Variants in MANBA observed in about 807,000 individuals in gnomAD.
MANBA encodes the protein mannosidase beta.
Under a neutral mutation model 111.1 loss-of-function variants are expected in MANBA, and 83 were observed. The ratio of observed to expected loss-of-function variants is 0.75; its 90% confidence interval spans 0.63 to 0.90. The LOEUF (loss-of-function observed/expected upper bound fraction) is 0.90, where lower values mean the gene tolerates loss of function less well. Ranked by LOEUF, MANBA falls within the 40% of genes least tolerant of loss-of-function variation. The probability of loss-of-function intolerance (pLI) is 0.00; values close to 1 mark genes in which losing one functional copy is unlikely to be tolerated. For missense variants in MANBA, 1,036 were observed against 1,069.0 expected, an observed-to-expected ratio of 0.97 and a Z score of 0.43; for synonymous variants, 370 against 378.7, an observed-to-expected ratio of 0.98 and a Z score of 0.27.
chr4:102,722,865 C>G lies in MANBA; in HGVS notation c.549+6G>C. On this transcript the variant is annotated splice_donor_region_variant and intron_variant, in intron 4 of 16. Coordinates refer to ENST00000647097, the MANE Select transcript of MANBA (RefSeq NM_005908.4). Reference sequence around the variant, plus strand: ...ATAAAACCCGACCTGTTTGAGAGACCATTACCTTCCGAACAAAGTTGACAT... The same window carrying G: ...ATAAAACCCGACCTGTTTGAGAGACGATTACCTTCCGAACAAAGTTGACAT... The G allele has an allele frequency of 6.2e-7, 1 of 1,613,898 alleles. No homozygotes were observed. The highest frequency in any genetic ancestry group is 8.5e-7 in the Non-Finnish European group (1 of 1,179,800).
rs138999320 is a variant in MANBA at position 102,631,536 on chromosome 4, C to T, written c.*521G>A. 1.7e-3 allele frequency: 687 copies of T among 396,522 alleles called. 3 individuals carry two copies. The highest frequency in any genetic ancestry group is 0.013 in the African/African-American group (642 of 48,660). 24.6% of individuals were successfully genotyped at this position (396,522 alleles called of 1,614,324 possible). A position where few individuals can be genotyped will look rare whatever the true frequency, so the allele number is the denominator to read the frequency against. ...TAACTTTTATTTTTATATAATTTCA[C>T]ATGTACAGAAAAATACCCATATACC... On this transcript the variant is annotated 3_prime_UTR_variant, in exon 17 of 17. Coordinates refer to ENST00000647097, the MANE Select transcript of MANBA (RefSeq NM_005908.4).
chr4:102,727,007 C>T (rs1330497426), intron 1 of MANBA, among the ~76,000 whole-genome samples: 1 of 152,196 alleles, frequency 6.6e-6, no homozygotes, highest in African/African-American at 2.4e-5. Context: ...AAACTCCTGA[C>T]CTCAAGTGAT....
chr4:102,755,989 G>C (rs1473331665), intron 1 of MANBA, among the ~76,000 whole-genome samples: 1 of 152,170 alleles, frequency 6.6e-6, no homozygotes, highest in Non-Finnish European at 1.5e-5. Flanking sequence ...TGCTGGAGAG[G>C]ATGTGGAGAA....
rs368198017 is a variant in MANBA, at chr4:102,726,494, C to CA, written c.272+94dup. 0.03 allele frequency: 17,105 copies of CA among 579,582 alleles called. 47 individuals are homozygous for CA. The highest frequency in any genetic ancestry group is 0.053 in the African/African-American group (2,646 of 49,986). 35.9% of individuals were successfully genotyped at this position (579,582 alleles called of 1,614,324 possible). A position where few individuals can be genotyped will look rare whatever the true frequency, so the allele number is the denominator to read the frequency against. ...ACAAAACAAAACAAAACATACAAAA[C>CA]AAAAAAAAAACAAACAAAACACAAC... On this transcript the variant is annotated intron_variant, in intron 2 of 16. Coordinates refer to ENST00000647097, the MANE Select transcript of MANBA (RefSeq NM_005908.4).
intron 8 of MANBA, among the ~76,000 whole-genome samples, chr4:102,672,402 AT>A (rs2110224659): frequency 6.6e-6 from 1 of 152,250 alleles, no homozygotes; most frequent in Non-Finnish European, 1.5e-5. Context: ...AGGAAATATT[AT>A]TTTCTTCCAA....
intron 1 of MANBA, among the ~76,000 whole-genome samples, chr4:102,759,442 A>C (rs17033239): frequency 0.054 from 8,197 of 152,258 alleles, 364 homozygotes; most frequent in Non-Finnish European, 0.075. Flanking sequence ...TGTGTTCTCT[A>C]TCACAAGTAG....
intron 15 of MANBA, 119 bp downstream of exon 15, chr4:102,635,746 A>T: frequency 9.7e-7 from 1 of 1,032,236 alleles, no homozygotes; most frequent in Non-Finnish European, 1.5e-6. Flanking sequence ...TAGCCTGAAT[A>T]TATGTATTCT....
chr4:102,686,625 T>C (rs1049410809), intron 7 of MANBA, among the ~76,000 whole-genome samples: 1 of 152,220 alleles, frequency 6.6e-6, no homozygotes, highest in South Asian at 2.1e-4. Flanking sequence ...AATTCTTTTC[T>C]AACTTGAACT....
intron 1 of MANBA, chr4:102,730,392 C>G: frequency 4.1e-6 from 2 of 486,884 alleles, no homozygotes; most frequent in Non-Finnish European, 7.5e-6. Context: ...AGCAAGTCGG[C>G]AACCTTGCTG....
At chr4:102,757,265 G>T (rs1724062279) in intron 1 of MANBA, among the ~76,000 whole-genome samples, 1 of 151,848 alleles carries the variant, frequency 6.6e-6, no homozygotes, top group South Asian at 2.1e-4. Context: ...GGAGGCAGAG[G>T]TTGCGGTGAG....
At chr4:102,687,236 G>C (rs911165605) in intron 7 of MANBA, among the ~76,000 whole-genome samples, 3 of 152,104 alleles carry the variant, frequency 2.0e-5, no homozygotes, top group Admixed American at 2.0e-4. Flanking sequence ...TTCCTCAGCA[G>C]TTCTGTAGAC....
In MANBA at chr4:102,635,907, A is replaced by G. The variant is rs180816849; in HGVS notation, c.2115T>C (p.Tyr705=). The G allele has an allele frequency of 2.0e-5, 32 of 1,611,998 alleles. No homozygotes were observed. The East Asian group carries it at 7.1e-4, about 36-fold the overall frequency. ...GFENENTFYI[Y]GVSDLHSDYS... Reference sequence around the variant, plus strand: ...AATCCGAGTGAAGATCTGACACACCATAGATATAGAACGTGTTTTCATTCT... The same window carrying G: ...AATCCGAGTGAAGATCTGACACACCGTAGATATAGAACGTGTTTTCATTCT... The change falls in exon 15 of 17, where the codon TAT becomes TAC. Residue 705 remains tyrosine (Y), a synonymous_variant. Coordinates refer to ENST00000647097, the MANE Select transcript of MANBA (RefSeq NM_005908.4).
intron 1 of MANBA, among the ~76,000 whole-genome samples, chr4:102,733,813 T>C (rs1723113959): frequency 6.6e-6 from 1 of 152,262 alleles, no homozygotes; most frequent in Non-Finnish European, 1.5e-5. Flanking sequence ...TTTTGTAGAA[T>C]GGATGCTTTC....
intron 7 of MANBA, among the ~76,000 whole-genome samples, chr4:102,681,261 ACTGGGGCC>A (rs1310895006): frequency 3.3e-5 from 5 of 152,148 alleles, no homozygotes; most frequent in Admixed American, 6.5e-5. Context: ...TAGGAGGATC[ACTGGGGCC>A]CAGGAGTTCA....
chr4:102,727,649 A>T (rs766959327), intron 1 of MANBA: 1 of 1,489,758 alleles, frequency 6.7e-7, no homozygotes, highest in Non-Finnish European at 9.3e-7. Flanking sequence ...TGTGTTTCAC[A>T]GTCTTCTCTA....
chr4:102,638,794 A>C (rs1729741954), intron 14 of MANBA, among the ~76,000 whole-genome samples: 1 of 152,138 alleles, frequency 6.6e-6, no homozygotes, highest in Non-Finnish European at 1.5e-5. Flanking sequence ...TCTCTGTAAG[A>C]GTCATCCATC....
intron 5 of MANBA, among the ~76,000 whole-genome samples, chr4:102,701,835 G>A (rs2110259043): frequency 6.6e-6 from 1 of 150,856 alleles, no homozygotes; most frequent in East Asian, 1.9e-4. Flanking sequence ...ACAATTATGT[G>A]TCTTGGAGTT....
intron 4 of MANBA, among the ~76,000 whole-genome samples, chr4:102,718,182 G>A: frequency 6.6e-6 from 1 of 152,260 alleles, no homozygotes; most frequent in East Asian, 1.9e-4. Flanking sequence ...TTGAGCACCT[G>A]TTGTGGATAG....
chr4:102,704,226 T>C (rs1225377501), intron 5 of MANBA, among the ~76,000 whole-genome samples: 2 of 152,174 alleles, frequency 1.3e-5, no homozygotes, highest in Non-Finnish European at 2.9e-5. Flanking sequence ...GCAATTCCCC[T>C]GTCTTGATAA....
Sources: gnomAD v4.1 joint callset for allele counts (sites outside exome capture counted in the v4.1 genomes callset) on GRCh38, gnomAD v4.1.1 for gene constraint, MANE v1.5 for transcripts, NCBI Gene and HGNC (gene_info 2026-07-23, HGNC 2026-07-21) for gene names.